Variants in OCA2 observed in about 807,000 individuals in gnomAD.
The protein encoded by OCA2 is P protein.
OCA2 carries 77 observed loss-of-function variants against 100.2 expected under a neutral mutation model. The observed-to-expected ratio is 0.77, with a 90% CI of 0.64 to 0.93. The LOEUF (loss-of-function observed/expected upper bound fraction) is 0.93. Ranked by LOEUF, OCA2 falls within the 40% of genes least tolerant of loss-of-function variation. The pLI, the probability that OCA2 is intolerant of heterozygous loss-of-function variation, is 0.00. For missense variants in OCA2, 1,062 were observed against 1,089.1 expected (o/e 0.98, Z 0.35); for synonymous variants, 432 against 439.2 (o/e 0.98, Z 0.21).
In OCA2 at chr15:27,755,221, C is replaced by T. The variant is rs937351907; in HGVS notation, c.*167G>A. ...GAGGAGGTCATGGTGTTCCAACATT[C>T]GCTTGAATTAGAGTGTTAGTGTCAA... On this transcript the variant is annotated 3_prime_UTR_variant, in exon 24 of 24. Transcript: ENST00000354638. 3.3e-5 allele frequency: 21 copies of T among 641,704 alleles called. No homozygotes were observed. Among genetic ancestry groups the T allele is most frequent in the Non-Finnish European group, 5.2e-5 (18 of 345,502 alleles). The allele number at this position is 641,704 out of a possible 1,614,324, so 39.8% of individuals were successfully genotyped here. A position where few individuals can be genotyped will look rare whatever the true frequency, so the allele number is the denominator to read the frequency against.
Position 27,975,941 on chromosome 15 carries a change from ATCT to A in OCA2, c.1503+7401_1503+7403del, listed in dbSNP as rs955071680. 3.3e-5 allele frequency among the ~76,000 whole-genome samples: 5 copies of A among 152,072 alleles called. No individual in the cohort carries two copies. The East Asian group carries it at 5.8e-4, about 18-fold the overall frequency. On this transcript the variant is annotated intron_variant, in intron 14 of 23. Transcript: ENST00000354638. Reference sequence around the variant, plus strand: ...AAGGTGTACCTCTTAATTTATTTAGATCTTCTTTAATTACTCTGCAGTTTTGTA... The same window carrying A: ...AAGGTGTACCTCTTAATTTATTTAGATCTTTAATTACTCTGCAGTTTTGTA...
At chr15:27,818,948 G>C (rs2034406451) in intron 23 of OCA2, among the ~76,000 whole-genome samples, 1 of 152,152 alleles carries the variant, frequency 6.6e-6, no homozygotes. Context: ...GACCCAGGTA[G>C]GCTTCGGCTC....
chr15:27,890,788 G>A (rs371389032), intron 19 of OCA2, among the ~76,000 whole-genome samples: 88 of 152,252 alleles, frequency 5.8e-4, no homozygotes, highest in South Asian at 1.0e-3. Context: ...AGCACTTTGG[G>A]AGGCCGAGGC....
Position 27,984,920 on chromosome 15 carries a change from G to A in OCA2, c.1364+144C>T, listed in dbSNP as rs1438657217. The stretch of plus-strand genomic sequence containing the variant: ...CAGTCACACAAAGCAGACACGAGCT[G>A]GACTGGAATGCAGTGAGCTGTGGGC... On this transcript the variant is annotated intron_variant, in intron 13 of 23. Transcript: ENST00000354638. 6.4e-6 allele frequency: 6 copies of A among 930,708 alleles called. No homozygotes were observed. In the Admixed American group the frequency reaches 1.0e-4, roughly 15 times the overall value. The allele number at this position is 930,708 out of a possible 1,614,324, so 57.7% of individuals were successfully genotyped here.
chr15:27,933,466 T>C (rs1042234842), intron 18 of OCA2, among the ~76,000 whole-genome samples: 9 of 152,188 alleles, frequency 5.9e-5, no homozygotes, highest in African/African-American at 2.2e-4. Flanking sequence ...ATGGTGATTG[T>C]CACGCGTGTC....
At position 27,871,885 on chromosome 15, in the gene OCA2, T is replaced by C. The variant is rs1437129627; in HGVS notation, c.2117A>G (p.Glu706Gly). Residue 706 changes from glutamate (E) to glycine (G), a missense_variant, in exon 20 of 24, where the codon GAA (glutamate) becomes GGA (glycine). Coordinates refer to ENST00000354638, the MANE Select transcript of OCA2 (RefSeq NM_000275.3). ...TACCTTTATTAGCAAAGCAGTTTGT[T>C]CTCCAACATATTCTATTAAGTGGAG... is the stretch of plus-strand genomic sequence containing the variant. ...AHLHLIEYVG[E>G]QTALLIKMVP... 1 of 1,609,706 alleles carries C rather than the reference T, an allele frequency of 6.2e-7. No homozygotes were observed. Among genetic ancestry groups the C allele is most frequent in the African/African-American group, 1.3e-5 (1 of 74,792 alleles).
At chr15:27,737,834 C>T in the OCA2 span, among the ~76,000 whole-genome samples, 1 of 152,194 alleles carries the variant, frequency 6.6e-6, no homozygotes, top group African/African-American at 2.4e-5. Context: ...AGTGAAAGAA[C>T]TCCCACAAAT....
At chr15:27,735,668 C>T in the OCA2 span, among the ~76,000 whole-genome samples, 1 of 152,206 alleles carries the variant, frequency 6.6e-6, no homozygotes, top group South Asian at 2.1e-4. Flanking sequence ...CAGCAGATTT[C>T]TCAGCAGAAA....
chr15:27,752,953 CAA>C (rs2030123313), downstream of OCA2, among the ~76,000 whole-genome samples: 1 of 151,992 alleles, frequency 6.6e-6, no homozygotes, highest in Non-Finnish European at 1.5e-5. Context: ...GAAATGGAAT[CAA>C]AGAGCCAGGC....
intron 23 of OCA2, among the ~76,000 whole-genome samples, chr15:27,818,337 C>T (rs754892673): frequency 1.1e-4 from 16 of 152,066 alleles, no homozygotes; most frequent in Non-Finnish European, 1.8e-4. Flanking sequence ...TGCAGTGAGC[C>T]GGGATCACAC....
intron 19 of OCA2, among the ~76,000 whole-genome samples, chr15:27,885,808 G>A (rs1171800679): frequency 2.0e-5 from 3 of 152,338 alleles, no homozygotes; most frequent in Non-Finnish European, 4.4e-5. Flanking sequence ...GGATGCCACA[G>A]TGACCAAGAT....
At chr15:28,010,626 A>C (rs1326870630) in intron 9 of OCA2, among the ~76,000 whole-genome samples, 2 of 152,204 alleles carry the variant, frequency 1.3e-5, no homozygotes, top group Non-Finnish European at 2.9e-5. Context: ...AAAGAAAAGG[A>C]AACACTTAGG....
intron 23 of OCA2, among the ~76,000 whole-genome samples, chr15:27,835,082 A>G (rs939383886): frequency 4.6e-5 from 7 of 152,228 alleles, no homozygotes; most frequent in Non-Finnish European, 8.8e-5. Context: ...GACTGCAGTT[A>G]ACATGAGTCC....
intron 23 of OCA2, among the ~76,000 whole-genome samples, chr15:27,801,582 A>G (rs1317604741): frequency 6.7e-6 from 1 of 148,656 alleles, no homozygotes; most frequent in Non-Finnish European, 1.5e-5. Context: ...AAAAAGAAGG[A>G]TAACAATACA....
intron 21 of OCA2, among the ~76,000 whole-genome samples, chr15:27,866,294 G>A (rs898496148): frequency 9.9e-5 from 15 of 152,276 alleles, no homozygotes; most frequent in Admixed American, 1.3e-4. Context: ...GAGCCCCAGC[G>A]TCGTGCTGAA....
intron 23 of OCA2, among the ~76,000 whole-genome samples, chr15:27,767,725 A>G (rs2031379068): frequency 6.6e-6 from 1 of 152,220 alleles, no homozygotes; most frequent in African/African-American, 2.4e-5. Flanking sequence ...TGGACCAATC[A>G]GCACTCTGTA....
the OCA2 span, among the ~76,000 whole-genome samples, chr15:27,747,825 T>C: frequency 6.6e-6 from 1 of 152,204 alleles, no homozygotes; most frequent in African/African-American, 2.4e-5. Flanking sequence ...CTGGAAAAGA[T>C]GACATTTCCA....
In OCA2 at chr15:27,994,143, C is replaced by T. The variant is rs180838877; in HGVS notation, c.1045-3496G>A. Among the ~76,000 whole-genome samples, 235 of 152,288 alleles carry T rather than the reference C, an allele frequency of 1.5e-3. 2 individuals are homozygous for T. Among genetic ancestry groups the T allele is most frequent in the African/African-American group, 5.2e-3 (216 of 41,560 alleles). On this transcript the variant is annotated intron_variant, in intron 9 of 23. Coordinates refer to ENST00000354638, the MANE Select transcript of OCA2 (RefSeq NM_000275.3). The stretch of plus-strand genomic sequence containing the variant: ...CCAGGGCCGCACAGTGGGAGGTGAG[C>T]TGGGCAAGTGAACATGACCGCCTGG...
chr15:28,018,391 C>T lies in OCA2; in HGVS notation c.807+6G>A. 1 of 1,613,706 alleles carries T rather than the reference C, an allele frequency of 6.2e-7. No homozygotes were observed. Among genetic ancestry groups the T allele is most frequent in the Non-Finnish European group, 8.5e-7 (1 of 1,179,756 alleles). ...CAATTCCTTTCAAATAAATTATCAG[C>T]ATAACCTGCTGTGGCCGCCGCCACC... On this transcript the variant is annotated splice_donor_region_variant and intron_variant, in intron 7 of 23. Transcript: ENST00000354638.
Sources: gnomAD v4.1 joint callset for allele counts (sites outside exome capture counted in the v4.1 genomes callset) on GRCh38, gnomAD v4.1.1 for gene constraint, MANE v1.5 for transcripts, NCBI Gene and HGNC (gene_info 2026-07-23, HGNC 2026-07-21) for gene names.